Variants in DPP10 observed in about 807,000 individuals in gnomAD.
The protein encoded by DPP10 is inactive dipeptidyl peptidase 10.
A neutral mutation model predicts 120.9 loss-of-function variants in DPP10; 33 were observed. The observed-to-expected ratio is 0.27, with a 90% CI of 0.21 to 0.37. DPP10 has a LOEUF of 0.37. DPP10 is among the 10% of genes least tolerant of loss of function. DPP10 has a pLI of 1.00. For synonymous variants in DPP10, 337 were observed against 326.1 expected, an observed-to-expected ratio of 1.03 and a Z score of -0.36; for missense variants, 816 against 942.8, an observed-to-expected ratio of 0.87 and a Z score of 1.76.
At chr2:115,325,789 CAG>C (rs2106131885) in intron 2 of DPP10, among the ~76,000 whole-genome samples, 1 of 152,166 alleles carries the variant, frequency 6.6e-6, no homozygotes, top group East Asian at 1.9e-4. Context: ...ATGTCTAACT[CAG>C]AGGAAGATGG....
At chr2:115,022,294 G>T (rs1703133465) in intron 1 of DPP10, among the ~76,000 whole-genome samples, 1 of 151,922 alleles carries the variant, frequency 6.6e-6, no homozygotes, top group African/African-American at 2.4e-5. Context: ...CTCCTACAAA[G>T]GGTAAATAAA....
chr2:115,474,010 A>G (rs2074907238), intron 3 of DPP10, among the ~76,000 whole-genome samples: 1 of 152,144 alleles, frequency 6.6e-6, no homozygotes, highest in Non-Finnish European at 1.5e-5. Flanking sequence ...GGGGAAGTAG[A>G]GTGGAAATTG....
At chr2:115,478,238 G>T (rs1030426950) in intron 3 of DPP10, among the ~76,000 whole-genome samples, 2 of 152,072 alleles carry the variant, frequency 1.3e-5, no homozygotes, top group Admixed American at 1.3e-4. Context: ...AGAATAGAGG[G>T]CCCAGAAATA....
At chr2:115,761,783 AT>A (rs1559122595) in intron 11 of DPP10, among the ~76,000 whole-genome samples, 3 of 152,142 alleles carry the variant, frequency 2.0e-5, no homozygotes, top group Admixed American at 6.5e-5. Flanking sequence ...TTAAAAACAT[AT>A]AAATAATTTA....
At chr2:114,881,871 A>T (rs907285061) in intron 1 of DPP10, among the ~76,000 whole-genome samples, 4 of 152,128 alleles carry the variant, frequency 2.6e-5, no homozygotes, top group African/African-American at 9.7e-5. Context: ...AACAGTCCAT[A>T]GTGTATATGC....
At chr2:114,739,264 C>A (rs943847064) in intron 1 of DPP10, among the ~76,000 whole-genome samples, 4 of 152,278 alleles carry the variant, frequency 2.6e-5, no homozygotes, top group African/African-American at 9.6e-5. Flanking sequence ...TTCCACCTAT[C>A]CATAAGCCCT....
At chr2:114,683,780 C>T (rs1445062110) in intron 1 of DPP10, among the ~76,000 whole-genome samples, 1 of 151,812 alleles carries the variant, frequency 6.6e-6, no homozygotes. Context: ...TTTCCCCTGC[C>T]ATCCTAGCTG....
chr2:114,752,789 T>C (rs1679361878), intron 1 of DPP10, among the ~76,000 whole-genome samples: 1 of 152,210 alleles, frequency 6.6e-6, no homozygotes, highest in Non-Finnish European at 1.5e-5. Context: ...TTTACTTGCT[T>C]CCGTTTTCCA....
chr2:115,402,607 T>C (rs919093554), intron 3 of DPP10, among the ~76,000 whole-genome samples: 1 of 144,112 alleles, frequency 6.9e-6, no homozygotes, highest in Non-Finnish European at 1.5e-5. Context: ...GAAAACTCAA[T>C]AGAGCAATAA....
intron 1 of DPP10, among the ~76,000 whole-genome samples, chr2:115,058,252 G>A (rs1291974414): frequency 8.0e-6 from 1 of 124,906 alleles, no homozygotes; most frequent in Non-Finnish European, 1.6e-5. Context: ...TTGAAAGCAA[G>A]GCTAGCTTTT....
At chr2:115,373,413 G>T (rs2065557107) in intron 3 of DPP10, among the ~76,000 whole-genome samples, 1 of 152,116 alleles carries the variant, frequency 6.6e-6, no homozygotes, top group East Asian at 1.9e-4. Context: ...TGTTAGAATA[G>T]TAGATTTGAA....
chr2:114,590,103 T>A (rs1256892736), intron 1 of DPP10, among the ~76,000 whole-genome samples: 1 of 152,140 alleles, frequency 6.6e-6, no homozygotes, highest in African/African-American at 2.4e-5. Flanking sequence ...TATGTGCATA[T>A]GTTTATTATA....
At chr2:115,232,189 G>C (rs1414448460) in intron 1 of DPP10, among the ~76,000 whole-genome samples, 1 of 152,078 alleles carries the variant, frequency 6.6e-6, no homozygotes, top group Non-Finnish European at 1.5e-5. Context: ...ATTCTAGCCT[G>C]GGTCTCTACT....
intron 4 of DPP10, among the ~76,000 whole-genome samples, chr2:115,523,836 G>A (rs11123308): frequency 0.97 from 147,486 of 152,216 alleles, 71,620 homozygotes; most frequent in East Asian, 1. Flanking sequence ...AGACCACATG[G>A]TAGATGACTG....
At chr2:115,106,804 G>T (rs1436601108) in intron 1 of DPP10, among the ~76,000 whole-genome samples, 2 of 152,090 alleles carry the variant, frequency 1.3e-5, no homozygotes, top group African/African-American at 4.8e-5. Flanking sequence ...GGCCGGGCGC[G>T]GTGGCTCACG....
intron 1 of DPP10, among the ~76,000 whole-genome samples, chr2:115,002,401 C>G (rs1239838402): frequency 6.6e-6 from 1 of 152,026 alleles, no homozygotes; most frequent in African/African-American, 2.4e-5. Context: ...AATGTAAAAC[C>G]TAAAACTATA....
intron 21 of DPP10, among the ~76,000 whole-genome samples, chr2:115,834,206 T>C (rs1440388300): frequency 6.6e-6 from 1 of 152,184 alleles, no homozygotes; most frequent in Non-Finnish European, 1.5e-5. Context: ...TTTTGAACTT[T>C]TATGTACCAA....
At chr2:115,635,510 G>A (rs968532569) in intron 5 of DPP10, among the ~76,000 whole-genome samples, 13 of 152,132 alleles carry the variant, frequency 8.5e-5, no homozygotes, top group Admixed American at 5.9e-4. Context: ...CTCTCCGTAG[G>A]TCACACCAAC....
intron 1 of DPP10, among the ~76,000 whole-genome samples, chr2:114,574,978 T>C (rs1420801297): frequency 1.3e-5 from 2 of 151,984 alleles, no homozygotes; most frequent in Non-Finnish European, 2.9e-5. Context: ...ATAAACTGAA[T>C]AGTTCTCACT....
Sources: allele counts gnomAD v4.1 joint callset (sites outside exome capture counted in the v4.1 genomes callset), GRCh38; gene constraint gnomAD v4.1.1; transcripts MANE v1.5; gene names NCBI Gene and HGNC (gene_info 2026-07-23, HGNC 2026-07-21).